The following AKT3 variants were observed in gnomAD, a reference collection of about 807,000 sequenced individuals.
AKT3 encodes the protein AKT serine/threonine kinase 3, also known as RAC-gamma serine/threonine-protein kinase.
A neutral mutation model predicts 65.3 loss-of-function variants in AKT3; 15 were observed. That is an observed-to-expected ratio of 0.23 (90% CI 0.15 to 0.35). The LOEUF is 0.35. Among genes scored for constraint, AKT3 ranks in the 10% least tolerant of loss-of-function variants. The pLI is 1.00. For missense variants in AKT3, 243 were observed against 576.5 expected, an observed-to-expected ratio of 0.42 and a Z score of 5.92; for synonymous variants, 206 against 183.8, an observed-to-expected ratio of 1.12 and a Z score of -0.98.
chr1:243,589,688 A>G (rs1250786232), intron 8 of AKT3, among the ~76,000 whole-genome samples: 1 of 152,214 alleles, frequency 6.6e-6, no homozygotes, highest in Non-Finnish European at 1.5e-5. Context: ...CTAGGTATAT[A>G]TATCTATCTG....
chr1:243,590,944 C>T (rs928237429), intron 8 of AKT3, among the ~76,000 whole-genome samples: 1 of 152,220 alleles, frequency 6.6e-6, no homozygotes, highest in Non-Finnish European at 1.5e-5. Context: ...GTTATGATTA[C>T]TCCAGCTGGA....
At chr1:243,496,925 C>T (rs963672780), downstream of AKT3, among the ~76,000 whole-genome samples, 11 of 152,202 alleles carry the variant, frequency 7.2e-5, no homozygotes, top group African/African-American at 1.7e-4. Context: ...GTGGACAGCA[C>T]GGCAGGGGAG....
chr1:243,499,882 G>A lies in AKT3; in HGVS notation c.*5367C>T, dbSNP rs554190542. The stretch of plus-strand genomic sequence containing the variant: ...GCCACAACGCACCACGACCTTCCCA[G>A]GGTGACACCGCCTCAGCCTGCAGTG... On this transcript the variant is annotated 3_prime_UTR_variant, in exon 14 of 14. Transcript: ENST00000673466. The A allele has an allele frequency of 2.1e-4, 252 of 1,180,672 alleles. 4 individuals carry two copies. In the South Asian group the frequency reaches 3.0e-3, roughly 14 times the overall value. The allele number at this position is 1,180,672 out of a possible 1,614,324, so 73.1% of individuals were successfully genotyped here.
rs775340140 is a variant in AKT3 at position 243,664,861 on chromosome 1, T to C, written c.195A>G (p.Glu65=). ...TTATAAATGTGTTTGGCTTTGGTCGTTCTGTTTTCATTAACTGGCATTCTA... is the reference window on the plus strand; with the variant it reads ...TTATAAATGTGTTTGGCTTTGGTCGCTCTGTTTTCATTAACTGGCATTCTA... ...SVAKCQLMKT[E]RPKPNTFIIR... The change falls in exon 4 of 14, where the codon GAA becomes GAG. Residue 65 remains glutamate (E), a synonymous_variant. Coordinates refer to ENST00000673466, the MANE Select transcript of AKT3 (RefSeq NM_005465.7). The C allele has an allele frequency of 1.9e-6, 3 of 1,572,708 alleles. No individual in the cohort carries two copies. Among genetic ancestry groups the C allele is most frequent in the Non-Finnish European group, 2.6e-6 (3 of 1,159,950 alleles).
intron 6 of AKT3, among the ~76,000 whole-genome samples, chr1:243,634,706 AC>A (rs1679855016): frequency 6.6e-6 from 1 of 151,928 alleles, no homozygotes; most frequent in South Asian, 2.1e-4. Flanking sequence ...GCCAGAAAAC[AC>A]CAAAAAAAGA....
At chr1:243,635,832 G>T (rs1346846651) in intron 6 of AKT3, among the ~76,000 whole-genome samples, 5 of 152,020 alleles carry the variant, frequency 3.3e-5, no homozygotes, top group Admixed American at 3.3e-4. Flanking sequence ...GAAGGGCACA[G>T]CAGGAACCAA....
intron 6 of AKT3, among the ~76,000 whole-genome samples, chr1:243,631,664 G>A (rs183920270): frequency 3.3e-4 from 51 of 152,266 alleles, no homozygotes; most frequent in Admixed American, 1.8e-3. Flanking sequence ...TTTCTCTTTC[G>A]CATGCCATGC....
At chr1:243,612,220 C>T (rs1037461386) in intron 8 of AKT3, among the ~76,000 whole-genome samples, 4 of 152,092 alleles carry the variant, frequency 2.6e-5, no homozygotes, top group East Asian at 1.9e-4. Flanking sequence ...GTGATCCTCC[C>T]GCCTCAGCTC....
intron 3 of AKT3, among the ~76,000 whole-genome samples, chr1:243,694,787 T>A (rs1684952682): frequency 6.6e-6 from 1 of 151,960 alleles, no homozygotes; most frequent in Non-Finnish European, 1.5e-5. Flanking sequence ...AAATTTCCCT[T>A]GTATCTTTTT....
intron 11 of AKT3, among the ~76,000 whole-genome samples, chr1:243,546,228 C>T (rs529891226): frequency 6.6e-6 from 1 of 152,260 alleles, no homozygotes; most frequent in African/African-American, 2.4e-5. Context: ...TGTGAGGCCT[C>T]CCCAGCCATG....
chr1:243,544,276 G>C (rs149532612), intron 12 of AKT3, among the ~76,000 whole-genome samples: 5 of 149,086 alleles, frequency 3.4e-5, no homozygotes, highest in Admixed American at 6.8e-5. Context: ...CAGGGGGAGG[G>C]GGGGACAGAC....
chr1:243,792,044 C>T (rs931477841), intron 2 of AKT3, among the ~76,000 whole-genome samples: 1 of 152,156 alleles, frequency 6.6e-6, no homozygotes, highest in Non-Finnish European at 1.5e-5. Flanking sequence ...AACTCAGGCT[C>T]AAAAACATTT....
At chr1:243,685,125 T>G (rs1684197921) in intron 3 of AKT3, among the ~76,000 whole-genome samples, 1 of 152,228 alleles carries the variant, frequency 6.6e-6, no homozygotes, top group African/African-American at 2.4e-5. Context: ...TAATGATAGT[T>G]TCTTTTGCTG....
intron 12 of AKT3, among the ~76,000 whole-genome samples, chr1:243,527,938 G>C (rs3930294): frequency 0.098 from 2,468 of 25,106 alleles, 43 homozygotes; most frequent in Middle Eastern, 0.19. Context: ...CACACACACA[G>C]AGAGAGAGAG....
At chr1:243,771,060 T>C (rs1690152275) in intron 2 of AKT3, among the ~76,000 whole-genome samples, 1 of 152,174 alleles carries the variant, frequency 6.6e-6, no homozygotes, top group South Asian at 2.1e-4. Flanking sequence ...ACTGCATTCA[T>C]ATGTACATGT....
chr1:243,581,602 G>A (rs12143602), intron 8 of AKT3, among the ~76,000 whole-genome samples: 78,953 of 151,846 alleles, frequency 0.52, 23,994 homozygotes, highest in Non-Finnish European at 0.68. Context: ...AATCCTACCT[G>A]CATGAAAATA....
chr1:243,825,297 TG>T (rs1263563250), intron 2 of AKT3, among the ~76,000 whole-genome samples: 1 of 152,158 alleles, frequency 6.6e-6, no homozygotes, highest in Non-Finnish European at 1.5e-5. Flanking sequence ...TAATGCATGT[TG>T]GGCTTAATAC....
intron 2 of AKT3, among the ~76,000 whole-genome samples, chr1:243,748,363 A>C (rs1688604804): frequency 1.3e-5 from 2 of 152,088 alleles, no homozygotes; most frequent in South Asian, 4.1e-4. Flanking sequence ...TAAAAAAAAA[A>C]ACAAGAGTTG....
chr1:243,707,161 C>T (rs1024560887), intron 2 of AKT3, among the ~76,000 whole-genome samples: 1 of 152,132 alleles, frequency 6.6e-6, no homozygotes, highest in Non-Finnish European at 1.5e-5. Flanking sequence ...CTAAGGAAAC[C>T]AATCAAAGGA....
Sources: gnomAD v4.1 joint callset for allele counts (sites outside exome capture counted in the v4.1 genomes callset) on GRCh38, gnomAD v4.1.1 for gene constraint, MANE v1.5 for transcripts, NCBI Gene and HGNC (gene_info 2026-07-23, HGNC 2026-07-21) for gene names.